Variants in DPP6 observed in about 807,000 individuals in gnomAD.
The protein encoded by DPP6 is A-type potassium channel modulatory protein DPP6.
A neutral mutation model predicts 122.6 loss-of-function variants in DPP6; 69 were observed. That is an observed-to-expected ratio of 0.56 (90% CI 0.46 to 0.69). The LOEUF (loss-of-function observed/expected upper bound fraction) is 0.69, where lower values mean the gene tolerates loss of function less well. DPP6 is among the 30% of genes least tolerant of loss of function. The pLI is 0.00. For missense variants in DPP6, 928 were observed against 1,116.9 expected (o/e 0.83, Z 2.41); for synonymous variants, 418 against 433.1 (o/e 0.97, Z 0.43).
rs199560614 is a variant in DPP6, at chr7:153,969,276, A to ATT, written c.51+81551_51+81552dup. On this transcript the variant is annotated intron_variant, in intron 1 of 25. Coordinates refer to the DPP6 transcript ENST00000404039. ...CTCCTGTCCTGGCTAAGATTCAGCC[A>ATT]TTTTTTTTTTCTTGAATAAATACTC... Among the ~76,000 whole-genome samples, 286 of 143,722 alleles carry ATT rather than the reference A, an allele frequency of 2.0e-3. 17 individuals are homozygous for ATT. The highest frequency in any genetic ancestry group is 7.9e-3 in the African/African-American group (278 of 34,984). The allele number at this position is 143,722 out of a possible 152,430, so 94.3% of individuals were successfully genotyped here.
rs1344091130 is a variant in DPP6 at position 154,519,237 on chromosome 7, G to T, written c.458-21295G>T. ...TAAGACACAGTGAATGTATACTAAT[G>T]ATGCCACTTGGTAAACTTCCAGCAT... is the stretch of plus-strand genomic sequence containing the variant. On this transcript the variant is annotated intron_variant, in intron 3 of 25. Coordinates refer to ENST00000377770, the MANE Select transcript of DPP6 (RefSeq NM_130797.4). 3.3e-5 allele frequency among the ~76,000 whole-genome samples: 5 copies of T among 152,214 alleles called. No individual in the cohort carries two copies. The South Asian group carries it at 8.3e-4, about 25-fold the overall frequency.
intron 2 of DPP6, among the ~76,000 whole-genome samples, chr7:154,474,608 G>A (rs956649317): frequency 5.3e-5 from 8 of 152,148 alleles, no homozygotes; most frequent in African/African-American, 1.7e-4. Flanking sequence ...CTGGATATCC[G>A]TATCTTCCTC....
intron 1 of DPP6, among the ~76,000 whole-genome samples, chr7:154,076,126 A>T (rs2150519162): frequency 6.6e-6 from 1 of 152,078 alleles, no homozygotes; most frequent in Admixed American, 6.5e-5. Context: ...TCCTATGTGT[A>T]AAGAGTAAAA....
At chr7:154,534,281 T>G (rs1168174146) in intron 3 of DPP6, among the ~76,000 whole-genome samples, 1 of 152,170 alleles carries the variant, frequency 6.6e-6, no homozygotes, top group Admixed American at 6.6e-5. Context: ...CTAAGTTATA[T>G]TCAATGATGA....
the DPP6 span, among the ~76,000 whole-genome samples, chr7:153,823,891 T>C: frequency 6.6e-6 from 1 of 152,162 alleles, no homozygotes; most frequent in South Asian, 2.1e-4. Flanking sequence ...TGCTTTGATA[T>C]CATAACTCTG....
chr7:154,890,431 C>T (rs3807296), intron 25 of DPP6: 20,996 of 152,284 alleles, frequency 0.14, 1,783 homozygotes, highest in East Asian at 0.45. Flanking sequence ...GGCAGAAGGA[C>T]GGGGTTACAC....
chr7:154,848,905 T>C (rs1172547683), intron 16 of DPP6, among the ~76,000 whole-genome samples: 1 of 152,226 alleles, frequency 6.6e-6, no homozygotes, highest in Non-Finnish European at 1.5e-5. Context: ...CAACACCACT[T>C]ATTGAAGAGA....
chr7:154,322,311 T>C (rs1201937048), intron 1 of DPP6, among the ~76,000 whole-genome samples: 1 of 152,198 alleles, frequency 6.6e-6, no homozygotes, highest in Non-Finnish European at 1.5e-5. Flanking sequence ...TGTAGAAGCT[T>C]GTTCTCCATT....
intron 6 of DPP6, among the ~76,000 whole-genome samples, chr7:154,645,286 C>T (rs1299338793): frequency 6.6e-6 from 1 of 151,702 alleles, no homozygotes; most frequent in Non-Finnish European, 1.5e-5. Context: ...AGGATGGTCT[C>T]GATCTCCTGA....
chr7:154,141,050 C>A (rs1795817660), intron 1 of DPP6, among the ~76,000 whole-genome samples: 1 of 152,072 alleles, frequency 6.6e-6, no homozygotes, highest in South Asian at 2.1e-4. Context: ...GTCTGCTTAC[C>A]TGCTGGGTTC....
chr7:154,457,863 C>T (rs1820933123), intron 2 of DPP6, among the ~76,000 whole-genome samples: 1 of 27,636 alleles, frequency 3.6e-5, no homozygotes, highest in South Asian at 2.7e-3. Context: ...GGGAGATATA[C>T]CTAATGCTAG....
rs1185070548 is a variant in DPP6, at chr7:154,241,335, T to A, written c.243+188272T>A. Among the ~76,000 whole-genome samples, 1 of 151,956 alleles carries A rather than the reference T, an allele frequency of 6.6e-6. No individual in the cohort carries two copies. The highest frequency in any genetic ancestry group is 1.5e-5 in the Non-Finnish European group (1 of 68,010). ...CATTAAAATGTACTAAATAGGAGAG[T>A]ACCTTCCTGTGTTTCCCTGTTTTAT... On this transcript the variant is annotated intron_variant, in intron 1 of 25. Transcript: ENST00000377770. The surrounding 1 kb of genome is among the most constrained non-coding windows in gnomAD (Gnocchi z 9.0).
intron 1 of DPP6, among the ~76,000 whole-genome samples, chr7:154,221,026 G>A (rs62484133): frequency 0.1 from 15,335 of 152,142 alleles, 1,790 homozygotes; most frequent in African/African-American, 0.28. Context: ...TTTGAAGAGC[G>A]TTTGCTGGGT....
upstream of DPP6, among the ~76,000 whole-genome samples, chr7:153,886,782 C>G (rs894350480): frequency 6.6e-6 from 1 of 152,198 alleles, no homozygotes; most frequent in Non-Finnish European, 1.5e-5. Context: ...AGCCTTCCCC[C>G]GCTTCCCCTC....
At chr7:154,232,540 C>T (rs950618361) in intron 1 of DPP6, among the ~76,000 whole-genome samples, 2 of 152,184 alleles carry the variant, frequency 1.3e-5, no homozygotes, top group African/African-American at 4.8e-5. Flanking sequence ...CTCTTACCTT[C>T]CATGAGGTTG....
intron 8 of DPP6, among the ~76,000 whole-genome samples, chr7:154,750,750 C>G (rs1331152130): frequency 1.3e-5 from 2 of 152,314 alleles, no homozygotes; most frequent in South Asian, 4.1e-4. Flanking sequence ...CTGGAGCAAG[C>G]GTGGTCCCAG....
intron 1 of DPP6, among the ~76,000 whole-genome samples, chr7:154,333,498 G>A (rs1437025972): frequency 1.3e-5 from 2 of 152,272 alleles, no homozygotes; most frequent in Middle Eastern, 3.4e-3. Context: ...GTACTCCCAG[G>A]CTGCATTTAG....
rs1029943076 is a variant in DPP6 at position 154,564,223 on chromosome 7, G to A, written c.553-2619G>A. Among the ~76,000 whole-genome samples the A allele has an allele frequency of 2.0e-5, 3 of 152,154 alleles. No individual in the cohort carries two copies. The East Asian group carries it at 5.8e-4, about 29-fold the overall frequency. On this transcript the variant is annotated intron_variant, in intron 4 of 25. Coordinates refer to ENST00000377770, the MANE Select transcript of DPP6 (RefSeq NM_130797.4). ...GTAATTGTGGTTGAGTGGTGGGGGT[G>A]AGAGCATGACAGGCAGGAGTTTAAG... is the stretch of plus-strand genomic sequence containing the variant.
the DPP6 span, among the ~76,000 whole-genome samples, chr7:153,814,856 A>C: frequency 6.6e-6 from 1 of 151,560 alleles, no homozygotes; most frequent in Non-Finnish European, 1.5e-5. Flanking sequence ...AAAGACAGAA[A>C]CCACATGATT....
Sources: allele counts gnomAD v4.1 joint callset (sites outside exome capture counted in the v4.1 genomes callset), GRCh38; gene constraint gnomAD v4.1.1; non-coding constraint Gnocchi (gnomAD v3.1); transcripts MANE v1.5; gene names NCBI Gene and HGNC (gene_info 2026-07-23, HGNC 2026-07-21).